FBXL17: variants seen among roughly 807,000 people sequenced by gnomAD.
The protein encoded by FBXL17 is F-box and leucine rich repeat protein 17, also known as F-box/LRR-repeat protein 17.
FBXL17 carries 22 observed loss-of-function variants against 66.2 expected under a neutral mutation model. That is an observed-to-expected ratio of 0.33 (90% CI 0.24 to 0.47). The LOEUF (loss-of-function observed/expected upper bound fraction) is 0.47. Among genes scored for constraint, FBXL17 ranks in the 20% least tolerant of loss-of-function variants. The probability of loss-of-function intolerance (pLI) is 1.00; values close to 1 mark genes in which losing one functional copy is unlikely to be tolerated. For missense variants in FBXL17, 878 were observed against 948.2 expected (o/e 0.93, Z 0.97); for synonymous variants, 474 against 400.5 (o/e 1.18, Z -2.19).
chr5:108,058,191 C>T (rs952071325), intron 6 of FBXL17, among the ~76,000 whole-genome samples: 3 of 152,120 alleles, frequency 2.0e-5, no homozygotes, highest in African/African-American at 7.2e-5. Context: ...TTTGTTTTAC[C>T]ATTTGACCAT....
chr5:107,977,936 C>T (rs1317698698), intron 7 of FBXL17, among the ~76,000 whole-genome samples: 1 of 152,156 alleles, frequency 6.6e-6, no homozygotes, highest in East Asian at 1.9e-4. Context: ...GTTAGGAAAG[C>T]TAGCTGGAGA....
chr5:108,263,291 T>C (rs1201016007), intron 4 of FBXL17, among the ~76,000 whole-genome samples: 2 of 151,998 alleles, frequency 1.3e-5, no homozygotes, highest in Non-Finnish European at 2.9e-5. Context: ...AAATTGAAAA[T>C]AAAATAAAAT....
intron 6 of FBXL17, among the ~76,000 whole-genome samples, chr5:108,170,884 G>C (rs1040210832): frequency 6.6e-6 from 1 of 152,088 alleles, no homozygotes; most frequent in Non-Finnish European, 1.5e-5. Flanking sequence ...TAAATATAGT[G>C]GTGATTATGT....
chr5:108,214,763 A>G (rs1361727728), intron 5 of FBXL17, among the ~76,000 whole-genome samples: 2 of 152,170 alleles, frequency 1.3e-5, no homozygotes, highest in Non-Finnish European at 2.9e-5. Flanking sequence ...CTGTTCTTCT[A>G]GAACTTTTTT....
At chr5:108,140,012 G>A (rs1206854423) in intron 6 of FBXL17, among the ~76,000 whole-genome samples, 2 of 152,052 alleles carry the variant, frequency 1.3e-5, no homozygotes, top group South Asian at 2.1e-4. Context: ...AAACTCCTCA[G>A]TGTATTATAA....
rs575772779 is a variant in FBXL17, at chr5:108,043,377, C to T, written c.1746-22376G>A. Among the ~76,000 whole-genome samples the T allele has an allele frequency of 3.9e-5, 6 of 152,144 alleles. No individual in the cohort carries two copies. The South Asian group carries it at 1.2e-3, about 32-fold the overall frequency. On this transcript the variant is annotated intron_variant, in intron 6 of 8. Transcript: ENST00000542267. ...ATAGTTTTATGTTTTACATTTAAAT[C>T]TGTGATCCTTTCTGAGTTCATTTTT...
At chr5:108,272,397 A>G (rs544097767) in intron 4 of FBXL17, among the ~76,000 whole-genome samples, 1 of 151,326 alleles carries the variant, frequency 6.6e-6, no homozygotes, top group Admixed American at 6.6e-5. Flanking sequence ...TCTGTTGCCC[A>G]GGCTGGATTG....
intron 4 of FBXL17, among the ~76,000 whole-genome samples, chr5:108,295,260 C>G (rs1006466392): frequency 2.6e-5 from 4 of 151,556 alleles, no homozygotes; most frequent in African/African-American, 9.7e-5. Context: ...AACTTTCTCC[C>G]AAATTCATAT....
intron 6 of FBXL17, among the ~76,000 whole-genome samples, chr5:108,086,412 C>T (rs1022059035): frequency 5.9e-5 from 9 of 152,214 alleles, no homozygotes; most frequent in Admixed American, 2.0e-4. Context: ...TATTCTTCAT[C>T]AAACCTAAGC....
At chr5:107,938,711 C>A (rs905878523) in intron 7 of FBXL17, among the ~76,000 whole-genome samples, 2 of 152,072 alleles carry the variant, frequency 1.3e-5, no homozygotes, top group Admixed American at 1.3e-4. Context: ...AGCTTCCAAC[C>A]CGACATTCTC....
Position 108,224,155 on chromosome 5 carries a change from G to A in FBXL17, c.1580C>T (p.Ser527Leu). The A allele has an allele frequency of 6.2e-7, 1 of 1,611,008 alleles. No individual in the cohort carries two copies. Among genetic ancestry groups the A allele is most frequent in the Non-Finnish European group, 8.5e-7 (1 of 1,177,920 alleles). Residue 527 changes from serine (S) to leucine (L), a missense_variant, in exon 5 of 9, where the codon TCA becomes TTA. Coordinates refer to ENST00000542267, the MANE Select transcript of FBXL17 (RefSeq NM_001163315.3). The part of the protein sequence containing the change: ...ELQYVGFMGC[S>L]VTSKGVIHLT... ...GTGAATGACTCCTTTAGAAGTGACT[G>A]AACAACCCATGAAGCCTACATATTG...
intron 6 of FBXL17, among the ~76,000 whole-genome samples, chr5:108,163,909 G>A (rs1009744317): frequency 1.3e-5 from 2 of 152,060 alleles, no homozygotes; most frequent in South Asian, 2.1e-4. Context: ...GTCTTTATTG[G>A]TTATCTTAAC....
chr5:108,160,752 T>G (rs894389091), intron 6 of FBXL17, among the ~76,000 whole-genome samples: 9 of 152,186 alleles, frequency 5.9e-5, no homozygotes, highest in Non-Finnish European at 8.8e-5. Context: ...AGAAGTTTAC[T>G]CTCAAAGATC....
At chr5:108,284,305 A>C (rs1580743123) in intron 4 of FBXL17, among the ~76,000 whole-genome samples, 1 of 151,932 alleles carries the variant, frequency 6.6e-6, no homozygotes, top group Non-Finnish European at 1.5e-5. Flanking sequence ...ATATTCAATC[A>C]ACCTAAGTGT....
intron 6 of FBXL17, among the ~76,000 whole-genome samples, chr5:108,155,822 T>C (rs1481638121): frequency 6.6e-6 from 1 of 152,216 alleles, no homozygotes; most frequent in African/African-American, 2.4e-5. Context: ...AAGGAATCCA[T>C]CTTGCAATAA....
chr5:107,962,913 TGC>T (rs2112631682), intron 7 of FBXL17, among the ~76,000 whole-genome samples: 1 of 152,190 alleles, frequency 6.6e-6, no homozygotes, highest in East Asian at 1.9e-4. Flanking sequence ...TTTTATACAA[TGC>T]ATACCACCCA....
chr5:108,097,573 G>A (rs1749424780), intron 6 of FBXL17, among the ~76,000 whole-genome samples: 1 of 151,966 alleles, frequency 6.6e-6, no homozygotes, highest in East Asian at 1.9e-4. Flanking sequence ...GGCAGATCAC[G>A]AGGTAAGGAG....
chr5:107,887,324 T>C lies in FBXL17; in HGVS notation c.1823-6145A>G, dbSNP rs117719980. ...CATTTTCACAATGGAACCTCGGATATATAAATGTGAGAACTAAAAATACAT... is the reference window on the plus strand; with the variant it reads ...CATTTTCACAATGGAACCTCGGATACATAAATGTGAGAACTAAAAATACAT... On this transcript the variant is annotated intron_variant, in intron 7 of 8. Transcript: ENST00000542267. Among the ~76,000 whole-genome samples the C allele has an allele frequency of 6.3e-4, 96 of 152,338 alleles. No individual in the cohort carries two copies. The East Asian group carries it at 0.017, about 26-fold the overall frequency.
intron 4 of FBXL17, among the ~76,000 whole-genome samples, chr5:108,321,278 G>C (rs1759607259): frequency 6.6e-6 from 1 of 151,776 alleles, no homozygotes; most frequent in Admixed American, 6.6e-5. Context: ...AAGAAACTGA[G>C]TATCAAAGTG....
Sources: gnomAD v4.1 joint callset for allele counts (sites outside exome capture counted in the v4.1 genomes callset) on GRCh38, gnomAD v4.1.1 for gene constraint, MANE v1.5 for transcripts, NCBI Gene and HGNC (gene_info 2026-07-23, HGNC 2026-07-21) for gene names.